Variants in TGS1 observed in about 807,000 individuals in gnomAD.
TGS1 encodes the protein trimethylguanosine synthase 1.
Under a neutral mutation model 92.2 loss-of-function variants are expected in TGS1, and 69 were observed. That is an observed-to-expected ratio of 0.75 (90% CI 0.62 to 0.91). TGS1 has a LOEUF of 0.91. TGS1 is among the 40% of genes least tolerant of loss of function. The pLI is 0.00. For missense variants in TGS1, 1,062 were observed against 1,001.2 expected (o/e 1.06, Z -0.82); for synonymous variants, 345 against 338.1 (o/e 1.02, Z -0.22).
At chr8:55,819,172 G>A (rs1803563955) in intron 12 of TGS1, among the ~76,000 whole-genome samples, 1 of 152,014 alleles carries the variant, frequency 6.6e-6, no homozygotes, top group Non-Finnish European at 1.5e-5. Flanking sequence ...CTAGGCTAAA[G>A]CAATCTTTCT....
At chr8:55,803,370 C>T (rs1206474638) in intron 9 of TGS1, among the ~76,000 whole-genome samples, 1 of 152,144 alleles carries the variant, frequency 6.6e-6, no homozygotes, top group Non-Finnish European at 1.5e-5. Flanking sequence ...CAGACTGATG[C>T]TCGTTTTCAT....
intron 12 of TGS1, among the ~76,000 whole-genome samples, chr8:55,822,751 A>C (rs1391121512): frequency 6.6e-6 from 1 of 151,996 alleles, no homozygotes; most frequent in East Asian, 1.9e-4. Flanking sequence ...ACTGTATTTG[A>C]CTTATTTTCA....
At chr8:55,812,366 A>G (rs1242590102) in intron 11 of TGS1, among the ~76,000 whole-genome samples, 1 of 151,902 alleles carries the variant, frequency 6.6e-6, no homozygotes, top group African/African-American at 2.4e-5. Flanking sequence ...CATCTCTACT[A>G]AAAATACAAA....
intron 12 of TGS1, among the ~76,000 whole-genome samples, chr8:55,818,967 C>T (rs1803559930): frequency 6.6e-6 from 1 of 152,058 alleles, no homozygotes; most frequent in African/African-American, 2.4e-5. Context: ...TCTTTGGAGA[C>T]AGAGCCTCGC....
intron 4 of TGS1, 110 bp downstream of exon 4, chr8:55,787,170 T>C: frequency 1.4e-6 from 1 of 709,150 alleles, no homozygotes; most frequent in Non-Finnish European, 2.3e-6. Flanking sequence ...CAAGTACATT[T>C]CATATAATAA....
At chr8:55,776,433 A>G (rs1032094660) in intron 1 of TGS1, among the ~76,000 whole-genome samples, 1 of 152,012 alleles carries the variant, frequency 6.6e-6, no homozygotes, top group Non-Finnish European at 1.5e-5. Context: ...GGCGCCCGCC[A>G]CAATGTCCAG....
intron 10 of TGS1, among the ~76,000 whole-genome samples, chr8:55,810,525 A>G (rs1339541324): frequency 1.3e-5 from 2 of 152,256 alleles, no homozygotes; most frequent in East Asian, 1.9e-4. Context: ...CAGGCTGTCC[A>G]TACAGTCAGT....
intron 8 of TGS1, among the ~76,000 whole-genome samples, chr8:55,800,606 C>G (rs1812190499): frequency 6.6e-6 from 1 of 152,166 alleles, no homozygotes; most frequent in Non-Finnish European, 1.5e-5. Flanking sequence ...GGAATTCTGG[C>G]ATTTAGTACT....
rs78042745 is a variant in TGS1 at position 55,797,616 on chromosome 8, G to T, written c.1543-1298G>T. Among the ~76,000 whole-genome samples the T allele has an allele frequency of 5.9e-3, 903 of 152,254 alleles. 4 individuals are homozygous for T. The highest frequency in any genetic ancestry group is 0.02 in the African/African-American group (833 of 41,536). Reference sequence around the variant, plus strand: ...TATTACCTGAAATATTCATATATTGGACTTTGCTATACCTGCCATCCAAGT... The same window carrying T: ...TATTACCTGAAATATTCATATATTGTACTTTGCTATACCTGCCATCCAAGT... On this transcript the variant is annotated intron_variant, in intron 7 of 12. Coordinates refer to ENST00000260129, the MANE Select transcript of TGS1 (RefSeq NM_024831.8).
At chr8:55,804,857 A>G in intron 9 of TGS1, 36 bp from the exon 10 acceptor site, 1 of 1,601,868 alleles carries the variant, frequency 6.2e-7, no homozygotes, top group African/African-American at 1.3e-5. Flanking sequence ...GCTTCTTGAA[A>G]TTGAACATGC....
At chr8:55,805,404 C>T (rs1380182912) in intron 10 of TGS1, among the ~76,000 whole-genome samples, 3 of 152,156 alleles carry the variant, frequency 2.0e-5, no homozygotes, top group Non-Finnish European at 4.4e-5. Flanking sequence ...GTCATGAATG[C>T]ATGAAACATA....
intron 5 of TGS1, among the ~76,000 whole-genome samples, chr8:55,790,719 A>G (rs778031858): frequency 4.6e-5 from 7 of 151,986 alleles, no homozygotes; most frequent in Non-Finnish European, 1.0e-4. Flanking sequence ...GGGTCTCGCT[A>G]TGTTGCCCAG....
At chr8:55,783,154 C>T (rs1458786059) in intron 2 of TGS1, among the ~76,000 whole-genome samples, 10 of 152,180 alleles carry the variant, frequency 6.6e-5, no homozygotes, top group Non-Finnish European at 1.2e-4. Context: ...CGTGGTAGCT[C>T]ATGCCTATAA....
intron 9 of TGS1, 48 bp from the exon 10 acceptor site, chr8:55,804,845 T>C: frequency 6.3e-7 from 1 of 1,576,686 alleles, no homozygotes. Flanking sequence ...ATGCTTGCCT[T>C]GGCTTCTTGA....
intron 9 of TGS1, among the ~76,000 whole-genome samples, chr8:55,803,540 A>G (rs550538406): frequency 6.6e-6 from 1 of 152,326 alleles, no homozygotes; most frequent in Non-Finnish European, 1.5e-5. Flanking sequence ...ATAAGGCTGG[A>G]AAACACTTGC....
rs1046849621 is a variant in TGS1 at position 55,786,297 on chromosome 8, C to T, written c.399C>T (p.Tyr133=). ...KIKKKKHQKK[Y]LDEIVQESWR... The stretch of plus-strand genomic sequence containing the variant: ...AAAAGAAAAAACATCAAAAGAAATA[C>T]TTAGATGAAATTGTGCAAGAATCTT... The change falls in exon 4 of 13, where the codon TAC becomes TAT. Residue 133 remains tyrosine, a synonymous_variant. Transcript: ENST00000260129. 3.2e-6 allele frequency: 5 copies of T among 1,566,956 alleles called. No homozygotes were observed. In the African/African-American group the frequency reaches 5.5e-5, roughly 17 times the overall value.
intron 1 of TGS1, among the ~76,000 whole-genome samples, chr8:55,777,939 CCT>C (rs1330614616): frequency 6.6e-6 from 1 of 151,912 alleles, no homozygotes; most frequent in Non-Finnish European, 1.5e-5. Flanking sequence ...CTAGCAGCCC[CCT>C]GAGGTATGTC....
In TGS1 at chr8:55,786,875, T is replaced by C. The variant is rs1245246518; in HGVS notation, c.977T>C (p.Leu326Pro). 6.2e-7 allele frequency: 1 copy of C among 1,614,160 alleles called. No homozygotes were observed. The highest frequency in any genetic ancestry group is 1.7e-5 in the Admixed American group (1 of 60,024). The change falls in exon 4 of 13, where the codon CTG (leucine) becomes CCG (proline). Residue 326 changes from leucine (L) to proline (P), a missense_variant. Physicochemically the swap from Leu to Pro is moderately conservative, Grantham distance 98. Coordinates refer to ENST00000260129, the MANE Select transcript of TGS1 (RefSeq NM_024831.8). ...EILDGISNIK[L>P]NSEEVTQSQL... ...CTTGATGGAATTAGTAACATAAAAC[T>C]GAATTCAGAGGAAGTAACACAGAGC...
chr8:55,786,800 T>A lies in TGS1; in HGVS notation c.902T>A (p.Met301Lys). ...DLVSFPSSPI[M>K]VDNDSSGTSD... ...GTATCTTTTCCATCTTCACCTATTATGGTTGATAATGATAGCTCTGGTACA... is the reference window on the plus strand; with the variant it reads ...GTATCTTTTCCATCTTCACCTATTAAGGTTGATAATGATAGCTCTGGTACA... Residue 301 changes from methionine to lysine, a missense_variant, in exon 4 of 13, where the codon ATG (methionine) becomes AAG (lysine). Transcript: ENST00000260129. 1 of 1,614,184 alleles carries A rather than the reference T, an allele frequency of 6.2e-7. No individual in the cohort carries two copies. The highest frequency in any genetic ancestry group is 8.5e-7 in the Non-Finnish European group (1 of 1,180,010).
Sources: allele counts gnomAD v4.1 joint callset (sites outside exome capture counted in the v4.1 genomes callset), GRCh38; gene constraint gnomAD v4.1.1; transcripts MANE v1.5; gene names NCBI Gene and HGNC (gene_info 2026-07-23, HGNC 2026-07-21).